The following CCT3 variants were observed in gnomAD, a reference collection of about 807,000 sequenced individuals.
The protein encoded by CCT3 is T-complex protein 1 subunit gamma.
Under a neutral mutation model 65.3 loss-of-function variants are expected in CCT3, and 10 were observed. The observed-to-expected ratio is 0.15, with a 90% CI of 0.09 to 0.26. CCT3 has a LOEUF of 0.26. Among genes scored for constraint, CCT3 ranks in the 10% least tolerant of loss-of-function variants. The pLI, the probability that CCT3 is intolerant of heterozygous loss-of-function variation, is 1.00. For missense variants in CCT3, 626 were observed against 708.7 expected (o/e 0.88, Z 1.33); for synonymous variants, 225 against 242.3 (o/e 0.93, Z 0.66).
In CCT3 at chr1:156,338,199, G is replaced by A; in HGVS notation, c.-15C>T. 1 of 1,585,352 alleles carries A rather than the reference G, an allele frequency of 6.3e-7. No homozygotes were observed. The highest frequency in any genetic ancestry group is 8.6e-7 in the Non-Finnish European group (1 of 1,167,364). ...TGGCCCATCATGGCGACGCGATGCA[G>A]AGCCGGGTACCCAGAGCTGGGGGAA... is the stretch of plus-strand genomic sequence containing the variant. On this transcript the variant is annotated 5_prime_UTR_variant, in exon 1 of 14. Coordinates refer to ENST00000295688, the MANE Select transcript of CCT3 (RefSeq NM_005998.5).
At chr1:156,327,807 T>C (rs1380922384) in intron 5 of CCT3, among the ~76,000 whole-genome samples, 1 of 108,306 alleles carries the variant, frequency 9.2e-6, no homozygotes, top group Non-Finnish European at 1.9e-5. Context: ...AGTGAGGAGC[T>C]TCTCTGCCCG....
At chr1:156,337,727 C>A (rs1291193160) in intron 1 of CCT3, 1 of 202,402 alleles carries the variant, frequency 4.9e-6, no homozygotes, top group Non-Finnish European at 1.0e-5. Flanking sequence ...CTCCGTAATA[C>A]AGATTGAAAC....
chr1:156,319,443 T>C (rs894627323), intron 7 of CCT3, among the ~76,000 whole-genome samples: 3 of 152,156 alleles, frequency 2.0e-5, no homozygotes, highest in Admixed American at 6.6e-5. Flanking sequence ...AAAGTACCTT[T>C]CTTTGATGAA....
chr1:156,320,699 C>T, intron 7 of CCT3, 140 bp downstream of exon 7: 1 of 662,844 alleles, frequency 1.5e-6, no homozygotes, highest in Non-Finnish European at 2.6e-6. Flanking sequence ...TGCCACTATA[C>T]TCCAGCCTAG....
intron 5 of CCT3, among the ~76,000 whole-genome samples, chr1:156,329,641 T>C (rs952038121): frequency 6.6e-6 from 1 of 151,776 alleles, no homozygotes; most frequent in African/African-American, 2.4e-5. Context: ...TATTGCATTT[T>C]AAAAGATGGC....
chr1:156,336,881 T>A (rs1426333392), intron 1 of CCT3, among the ~76,000 whole-genome samples: 1 of 151,938 alleles, frequency 6.6e-6, no homozygotes, highest in Non-Finnish European at 1.5e-5. Context: ...CTACAATCCA[T>A]CAGAAAGAAG....
chr1:156,317,590 T>A (rs199936116), intron 8 of CCT3, 43 bp from the exon 9 acceptor site: 10 of 1,582,220 alleles, frequency 6.3e-6, no homozygotes, highest in Non-Finnish European at 8.6e-6. Context: ...ATCCCTGGAC[T>A]GGTGAAGCTC....
chr1:156,309,701 C>T (rs371545273), intron 13 of CCT3, among the ~76,000 whole-genome samples: 47 of 151,940 alleles, frequency 3.1e-4, no homozygotes, highest in Middle Eastern at 6.8e-3. Flanking sequence ...GCTGGGATTA[C>T]AGGCGTGACC....
In CCT3 at chr1:156,338,213, G is replaced by A. The variant is rs894460650; in HGVS notation, c.-29C>T. ...GACGCGATGCAGAGCCGGGTACCCA[G>A]AGCTGGGGGAACCGGCAGAACCTTC... On this transcript the variant is annotated 5_prime_UTR_variant, in exon 1 of 14. Coordinates refer to ENST00000295688, the MANE Select transcript of CCT3 (RefSeq NM_005998.5). 8.9e-6 allele frequency: 14 copies of A among 1,579,010 alleles called. No homozygotes were observed. Among genetic ancestry groups the A allele is most frequent in the East Asian group, 6.8e-5 (3 of 43,866 alleles).
chr1:156,314,204 G>A (rs1253629074), intron 10 of CCT3, among the ~76,000 whole-genome samples: 1 of 151,946 alleles, frequency 6.6e-6, no homozygotes, highest in Non-Finnish European at 1.5e-5. Flanking sequence ...TAAAGCTTAT[G>A]AAAGCCATCA....
intron 5 of CCT3, among the ~76,000 whole-genome samples, chr1:156,328,117 G>A (rs1664927315): frequency 7.0e-6 from 1 of 142,800 alleles, no homozygotes; most frequent in Non-Finnish European, 1.5e-5. Context: ...TCCGGGAGGT[G>A]AGGGGCGCCT....
At chr1:156,320,278 A>G (rs1259509596) in intron 7 of CCT3, among the ~76,000 whole-genome samples, 1 of 152,124 alleles carries the variant, frequency 6.6e-6, no homozygotes, top group Non-Finnish European at 1.5e-5. Context: ...GCGTGGTGGC[A>G]GGCATCTGTA....
At chr1:156,311,382 T>C (rs1664078020) in intron 11 of CCT3, among the ~76,000 whole-genome samples, 187 bp from the exon 12 acceptor site, 2 of 152,180 alleles carry the variant, frequency 1.3e-5, no homozygotes, top group Admixed American at 1.3e-4. Flanking sequence ...GACTATAATA[T>C]AGGATGGCGG....
intron 1 of CCT3, 121 bp from the exon 2 acceptor site, chr1:156,336,009 T>C: frequency 1.5e-6 from 1 of 678,384 alleles, no homozygotes; most frequent in Non-Finnish European, 2.5e-6. Flanking sequence ...AGAGCAAAGC[T>C]TATCAAACTC....
intron 10 of CCT3, among the ~76,000 whole-genome samples, chr1:156,314,285 G>C (rs909880346): frequency 2.0e-5 from 3 of 152,160 alleles, no homozygotes; most frequent in African/African-American, 7.2e-5. Flanking sequence ...TAGGATTTAT[G>C]ACAGAGCCAA....
At chr1:156,321,070 A>G (rs760887301) in intron 6 of CCT3, 45 bp from the exon 7 acceptor site, 19 of 1,488,642 alleles carry the variant, frequency 1.3e-5, no homozygotes, top group Non-Finnish European at 1.4e-5. Context: ...GGCATGTTAG[A>G]TATGTAGAGA....
At chr1:156,334,076 A>G (rs1226068407) in intron 4 of CCT3, among the ~76,000 whole-genome samples, 2 of 152,228 alleles carry the variant, frequency 1.3e-5, no homozygotes, top group South Asian at 2.1e-4. Context: ...TGTCTCTACT[A>G]AAAGTACAAA....
intron 5 of CCT3, among the ~76,000 whole-genome samples, chr1:156,331,620 T>C (rs1312289657): frequency 6.7e-6 from 1 of 150,164 alleles, no homozygotes; most frequent in East Asian, 2.0e-4. Flanking sequence ...GAGGTGGAGG[T>C]TGCAGTGAAC....
intron 5 of CCT3, among the ~76,000 whole-genome samples, chr1:156,329,153 T>A (rs1369672071): frequency 3.3e-5 from 5 of 152,196 alleles, no homozygotes; most frequent in Non-Finnish European, 7.3e-5. Context: ...TAACATGTTA[T>A]ACAGCTTTGT....
Sources: allele counts gnomAD v4.1 joint callset (sites outside exome capture counted in the v4.1 genomes callset), GRCh38; gene constraint gnomAD v4.1.1; transcripts MANE v1.5; gene names NCBI Gene and HGNC (gene_info 2026-07-23, HGNC 2026-07-21).